The following MYO5C variants were observed in gnomAD, a reference collection of about 807,000 sequenced individuals.
The protein encoded by MYO5C is unconventional myosin-Vc.
A neutral mutation model predicts 235.7 loss-of-function variants in MYO5C; 194 were observed. That is an observed-to-expected ratio of 0.82 (90% CI 0.73 to 0.93). The LOEUF (loss-of-function observed/expected upper bound fraction) is 0.93, where lower values mean the gene tolerates loss of function less well. Among genes scored for constraint, MYO5C ranks in the 40% least tolerant of loss-of-function variants. The probability of loss-of-function intolerance (pLI) is 0.00; values close to 1 mark genes in which losing one functional copy is unlikely to be tolerated. For synonymous variants in MYO5C, 707 were observed against 754.8 expected (o/e 0.94, Z 1.04); for missense variants, 2,038 against 2,127.2 (o/e 0.96, Z 0.82).
chr15:52,225,574 C>A lies in MYO5C; in HGVS notation c.3208-42G>T, dbSNP rs559302840. 2.8e-5 allele frequency: 38 copies of A among 1,350,892 alleles called. No individual in the cohort carries two copies. In the South Asian group the frequency reaches 3.4e-4, roughly 12 times the overall value. The allele number at this position is 1,350,892 out of a possible 1,614,324, so 83.7% of individuals were successfully genotyped here. A position where few individuals can be genotyped will look rare whatever the true frequency, so the allele number is the denominator to read the frequency against. On this transcript the variant is annotated intron_variant, in intron 25 of 40. Transcript: ENST00000261839. ...ACGGAATCAGGTAAAGAAAAAACAA[C>A]GATTATGCTTTATATAAGACAAAGG...
intron 21 of MYO5C, 135 bp downstream of exon 21, chr15:52,239,598 T>C (rs1369208783): frequency 2.4e-6 from 2 of 850,406 alleles, no homozygotes; most frequent in Non-Finnish European, 1.8e-6. Flanking sequence ...TTCTGTTTCC[T>C]AGCTCAGGTG....
At position 52,205,830 on chromosome 15, in the gene MYO5C, A is replaced by C; in HGVS notation, c.4523T>G (p.Ile1508Ser). Reference protein sequence around the residue: ...HQFIIIMEKNIQPIIVPGMLE... With the variant: ...HQFIIIMEKNSQPIIVPGMLE... ...TCTCTTCTTACCTATTATCGGTTGG[A>C]TATTCTTTTCCATTATGATAATAAA... The change falls in exon 37 of 41, where the codon ATC becomes AGC. Residue 1508 changes from isoleucine to serine, a missense_variant. Ile to Ser is a moderately radical substitution (Grantham distance 142). Transcript: ENST00000261839. 6.4e-7 allele frequency: 1 copy of C among 1,563,876 alleles called. No homozygotes were observed. The highest frequency in any genetic ancestry group is 8.7e-7 in the Non-Finnish European group (1 of 1,146,418).
intron 22 of MYO5C, 61 bp from the exon 23 acceptor site, chr15:52,235,824 T>C: frequency 9.4e-7 from 1 of 1,059,962 alleles, no homozygotes; most frequent in African/African-American, 1.6e-5. Flanking sequence ...GTTGTCACCA[T>C]TGCCTTTCTT....
intron 24 of MYO5C, among the ~76,000 whole-genome samples, chr15:52,229,644 G>C (rs896203530): frequency 6.6e-6 from 1 of 152,074 alleles, no homozygotes; most frequent in African/African-American, 2.4e-5. Flanking sequence ...TAAAAAAGAA[G>C]AAAATAATTT....
At chr15:52,204,837 C>T (rs759317102) in intron 38 of MYO5C, 28 bp downstream of exon 38, 86 of 1,606,926 alleles carry the variant, frequency 5.4e-5, no homozygotes, top group Middle Eastern at 1.6e-4. Context: ...CAGGCCTCTC[C>T]GCGTGAGCGG....
intron 4 of MYO5C, among the ~76,000 whole-genome samples, chr15:52,276,812 T>C (rs2037062248): frequency 6.6e-6 from 1 of 152,156 alleles, no homozygotes; most frequent in Admixed American, 6.5e-5. Flanking sequence ...TTTTTAAAAA[T>C]GCATTAAACT....
intron 11 of MYO5C, among the ~76,000 whole-genome samples, chr15:52,255,854 G>A (rs1024290498): frequency 6.6e-6 from 1 of 151,958 alleles, no homozygotes; most frequent in African/African-American, 2.4e-5. Flanking sequence ...ACTCAAAAAC[G>A]TCTTTTGAAT....
intron 22 of MYO5C, 47 bp downstream of exon 22, chr15:52,237,435 C>A: frequency 6.3e-7 from 1 of 1,576,552 alleles, no homozygotes; most frequent in Non-Finnish European, 8.6e-7. Flanking sequence ...ATCTTTTTCA[C>A]AGAGAGTCCG....
chr15:52,194,674 C>T (rs1458141639), intron 40 of MYO5C, among the ~76,000 whole-genome samples: 1 of 151,658 alleles, frequency 6.6e-6, no homozygotes, highest in Non-Finnish European at 1.5e-5. Context: ...TCTATTTTTG[C>T]AAATCTCTTT....
intron 11 of MYO5C, among the ~76,000 whole-genome samples, chr15:52,253,748 C>T (rs1015211943): frequency 6.6e-6 from 1 of 152,240 alleles, no homozygotes; most frequent in African/African-American, 2.4e-5. Context: ...TGTGGTCCTA[C>T]AGCCCCTTCC....
At position 52,201,486 on chromosome 15, in the gene MYO5C, T is replaced by C. The variant is rs571248865; in HGVS notation, c.4820+3379A>G. Among the ~76,000 whole-genome samples, 46 of 152,338 alleles carry C rather than the reference T, an allele frequency of 3.0e-4. No homozygotes were observed. The South Asian group carries it at 9.3e-3, about 31-fold the overall frequency. On this transcript the variant is annotated intron_variant, in intron 38 of 40. Coordinates refer to ENST00000261839, the MANE Select transcript of MYO5C (RefSeq NM_018728.4). Reference sequence around the variant, plus strand: ...ACATTTTCAACTGAAAGAAAACTAATAATTTATTGCCAACAAAACTGCTCT... The same window carrying C: ...ACATTTTCAACTGAAAGAAAACTAACAATTTATTGCCAACAAAACTGCTCT...
rs576367827 is a variant in MYO5C, at chr15:52,293,999, C to T, written c.27+1611G>A. Among the ~76,000 whole-genome samples the T allele has an allele frequency of 3.3e-5, 5 of 152,358 alleles. No homozygotes were observed. In the East Asian group the frequency reaches 9.6e-4, roughly 29 times the overall value. On this transcript the variant is annotated intron_variant, in intron 1 of 40. Coordinates refer to ENST00000261839, the MANE Select transcript of MYO5C (RefSeq NM_018728.4). Reference sequence around the variant, plus strand: ...AGGAACACAGGTGTCTACGTGGACACAAGGTCAGTGGGAATGGCCATCAGG... The same window carrying T: ...AGGAACACAGGTGTCTACGTGGACATAAGGTCAGTGGGAATGGCCATCAGG...
intron 1 of MYO5C, among the ~76,000 whole-genome samples, chr15:52,293,531 A>G (rs532174572): frequency 6.6e-6 from 1 of 152,162 alleles, no homozygotes; most frequent in South Asian, 2.1e-4. Context: ...TTCTTAAGAA[A>G]TATTTCCTCC....
At position 52,211,758 on chromosome 15, in the gene MYO5C, G is replaced by A. The variant is rs1566963273; in HGVS notation, c.4268C>T (p.Thr1423Ile). Residue 1423 changes from threonine to isoleucine, a missense_variant, in exon 35 of 41, where the codon ACC becomes ATC. By Grantham distance (89) the Thr-to-Ile change is moderately conservative (BLOSUM62 -1). Coordinates refer to ENST00000261839, the MANE Select transcript of MYO5C (RefSeq NM_018728.4). ...AACCACCTGCTTGATGCCATTAATGGTGCTGTTCATGAGGGACTTCAGCAT... is the reference window on the plus strand; with the variant it reads ...AACCACCTGCTTGATGCCATTAATGATGCTGTTCATGAGGGACTTCAGCAT... ...ANMLKSLMNS[T>I]INGIKQVVKE... 1.2e-6 allele frequency: 2 copies of A among 1,614,104 alleles called. No homozygotes were observed. Among genetic ancestry groups the A allele is most frequent in the Non-Finnish European group, 1.7e-6 (2 of 1,179,952 alleles).
chr15:52,227,326 C>A (rs2035851623), intron 25 of MYO5C, among the ~76,000 whole-genome samples: 1 of 150,020 alleles, frequency 6.7e-6, no homozygotes, highest in Non-Finnish European at 1.5e-5. Flanking sequence ...TCCCGAGTAG[C>A]TGGGACTACA....
At chr15:52,286,053 T>C (rs2037259841) in intron 1 of MYO5C, among the ~76,000 whole-genome samples, 1 of 150,588 alleles carries the variant, frequency 6.6e-6, no homozygotes. Flanking sequence ...CCGCCCCGTC[T>C]GGGATGTGAG....
At chr15:52,245,186 A>T (rs74015643) in intron 18 of MYO5C, among the ~76,000 whole-genome samples, 168 bp downstream of exon 18, 1 of 152,192 alleles carries the variant, frequency 6.6e-6, no homozygotes, top group African/African-American at 2.4e-5. Context: ...TGGCCCACTG[A>T]GCACTCTGCT....
At chr15:52,246,814 C>A (rs572814263) in intron 16 of MYO5C, 103 bp downstream of exon 16, 8 of 876,688 alleles carry the variant, frequency 9.1e-6, no homozygotes, top group East Asian at 2.6e-5. Flanking sequence ...AAAAAAAAAC[C>A]CAGAAACAGG....
At chr15:52,197,723 C>T (rs1278511503) in intron 38 of MYO5C, among the ~76,000 whole-genome samples, 2 of 152,110 alleles carry the variant, frequency 1.3e-5, no homozygotes, top group African/African-American at 4.8e-5. Context: ...GCAACTTCCA[C>T]CTCTCAGGTT....
Sources: allele counts gnomAD v4.1 joint callset (sites outside exome capture counted in the v4.1 genomes callset), GRCh38; gene constraint gnomAD v4.1.1; transcripts MANE v1.5; gene names NCBI Gene and HGNC (gene_info 2026-07-23, HGNC 2026-07-21).